The following ZC2HC1A variants were observed in gnomAD, a reference collection of about 807,000 sequenced individuals.
ZC2HC1A encodes the protein zinc finger C2HC-type containing 1A.
A neutral mutation model predicts 40.7 loss-of-function variants in ZC2HC1A; 28 were observed. That is an observed-to-expected ratio of 0.69 (90% confidence interval 0.51 to 0.94). ZC2HC1A has a LOEUF of 0.94. Ranked by LOEUF, ZC2HC1A falls within the 40% of genes least tolerant of loss-of-function variation. The pLI is 0.00. For synonymous variants in ZC2HC1A, 129 were observed against 129.2 expected, an observed-to-expected ratio of 1.00 and a Z score of 0.01; for missense variants, 389 against 386.3, an observed-to-expected ratio of 1.01 and a Z score of -0.06.
intron 7 of ZC2HC1A, among the ~76,000 whole-genome samples, chr8:78,709,417 A>G (rs1810884503): frequency 2.0e-5 from 3 of 152,094 alleles, no homozygotes; most frequent in Admixed American, 1.3e-4. Context: ...ATTTTTATGA[A>G]CTTATCTTTT....
At chr8:78,678,709 A>G in intron 3 of ZC2HC1A, 30 bp downstream of exon 3, 3 of 1,500,246 alleles carry the variant, frequency 2.0e-6, no homozygotes, top group Non-Finnish European at 2.7e-6. Context: ...AACAGTATGA[A>G]CTTTGGTGTT....
At chr8:78,682,093 G>A (rs758711426) in intron 3 of ZC2HC1A, among the ~76,000 whole-genome samples, 6 of 151,406 alleles carry the variant, frequency 4.0e-5, no homozygotes, top group Admixed American at 6.6e-5. Context: ...CATAATTCTT[G>A]ATTTTAAAAA....
At chr8:78,692,330 ATCCCT>A in intron 5 of ZC2HC1A, among the ~76,000 whole-genome samples, 1 of 152,122 alleles carries the variant, frequency 6.6e-6, no homozygotes, top group Non-Finnish European at 1.5e-5. Context: ...TCCAATTCCA[ATCCCT>A]ATAGTTCAGT....
chr8:78,681,553 C>T (rs536677403), intron 3 of ZC2HC1A, among the ~76,000 whole-genome samples: 135 of 152,170 alleles, frequency 8.9e-4, no homozygotes, highest in Admixed American at 3.4e-3. Flanking sequence ...TTGCTGCTCT[C>T]GGAACACTGT....
chr8:78,698,330 A>G, intron 6 of ZC2HC1A, 84 bp from the exon 7 acceptor site: 1 of 1,129,522 alleles, frequency 8.9e-7, no homozygotes. Context: ...GATTATTACT[A>G]AAGCATTGTT....
chr8:78,698,931 A>G (rs1342960931), intron 7 of ZC2HC1A, among the ~76,000 whole-genome samples: 1 of 152,184 alleles, frequency 6.6e-6, no homozygotes, highest in Non-Finnish European at 1.5e-5. Flanking sequence ...AAAGCCACAT[A>G]GCTGTTAAAG....
At chr8:78,671,081 G>A (rs1809426447) in intron 1 of ZC2HC1A, among the ~76,000 whole-genome samples, 1 of 152,176 alleles carries the variant, frequency 6.6e-6, no homozygotes, top group African/African-American at 2.4e-5. Flanking sequence ...TGCCACAAGG[G>A]AGGCCAGAAC....
intron 1 of ZC2HC1A, 112 bp downstream of exon 1, chr8:78,666,276 C>G: frequency 1.3e-6 from 2 of 1,486,516 alleles, no homozygotes; most frequent in Non-Finnish European, 1.8e-6. Flanking sequence ...GCGGACCTCG[C>G]CGCGTCCCGC....
At chr8:78,699,968 TGG>T (rs1810548394) in intron 7 of ZC2HC1A, among the ~76,000 whole-genome samples, 1 of 152,206 alleles carries the variant, frequency 6.6e-6, no homozygotes, top group East Asian at 1.9e-4. Flanking sequence ...TATATTCTTC[TGG>T]GTATATACTC....
rs1395190666 is a variant in ZC2HC1A at position 78,699,023 on chromosome 8, A to C, written c.704+510A>C. On this transcript the variant is annotated intron_variant, in intron 7 of 8. Transcript: ENST00000263849. ...CGTTTTTATTATAATGTTAGAAATA[A>C]ATAAAATCACCAAAATGTCTAGCTT... is the stretch of plus-strand genomic sequence containing the variant. Among the ~76,000 whole-genome samples, 22 of 152,280 alleles carry C rather than the reference A, an allele frequency of 1.4e-4. 1 individual carries two copies. Among genetic ancestry groups the C allele is most frequent in the African/African-American group, 5.3e-4 (22 of 41,564 alleles).
At chr8:78,698,655 C>T in intron 7 of ZC2HC1A, 142 bp downstream of exon 7, 1 of 530,966 alleles carries the variant, frequency 1.9e-6, no homozygotes, top group Non-Finnish European at 3.1e-6. Flanking sequence ...CAGGAGCACA[C>T]TCACTGCTGT....
intron 5 of ZC2HC1A, among the ~76,000 whole-genome samples, chr8:78,693,297 G>T (rs1230946182): frequency 3.3e-5 from 5 of 151,494 alleles, no homozygotes; most frequent in Non-Finnish European, 5.9e-5. Flanking sequence ...GATCCCTGAG[G>T]AATCACCACA....
At chr8:78,678,715 G>T (rs769107462) in intron 3 of ZC2HC1A, 36 bp downstream of exon 3, 254 of 1,452,088 alleles carry the variant, frequency 1.7e-4, no homozygotes, top group Non-Finnish European at 2.3e-4. Flanking sequence ...ATGAACTTTG[G>T]TGTTATGTAT....
chr8:78,687,878 T>A (rs1810070413), intron 4 of ZC2HC1A, among the ~76,000 whole-genome samples: 1 of 130,850 alleles, frequency 7.6e-6, no homozygotes, highest in Non-Finnish European at 1.6e-5. Context: ...ATAATAAATA[T>A]ATATTTATAT....
At chr8:78,703,551 T>TA (rs1810675312) in intron 7 of ZC2HC1A, among the ~76,000 whole-genome samples, 1 of 151,672 alleles carries the variant, frequency 6.6e-6, no homozygotes, top group African/African-American at 2.4e-5. Flanking sequence ...TTTTTTTTTT[T>TA]TAAATCTTTG....
chr8:78,684,471 G>A (rs544983812), intron 3 of ZC2HC1A, among the ~76,000 whole-genome samples: 12 of 152,064 alleles, frequency 7.9e-5, no homozygotes, highest in Admixed American at 5.9e-4. Flanking sequence ...ACCTCCTACC[G>A]AGTACCCCCA....
intron 7 of ZC2HC1A, among the ~76,000 whole-genome samples, chr8:78,700,902 G>A (rs1405890417): frequency 2.0e-5 from 3 of 152,188 alleles, no homozygotes; most frequent in Admixed American, 2.0e-4. Context: ...TAGCCCTGTA[G>A]TATAGCTGGA....
Position 78,719,277 on chromosome 8 carries a change from G to A in ZC2HC1A, c.*1784G>A, listed in dbSNP as rs1811192579. ...AATTCTTTTTGTCTGCTCAAGGAAA[G>A]GATAGATAAATAATTGGCACACATT... On this transcript the variant is annotated 3_prime_UTR_variant, in exon 9 of 9. Transcript: ENST00000263849. 6.6e-6 allele frequency: 1 copy of A among 151,634 alleles called. No individual in the cohort carries two copies. The highest frequency in any genetic ancestry group is 2.1e-4 in the South Asian group (1 of 4,822). 9.4% of individuals were successfully genotyped at this position (151,634 alleles called of 1,614,324 possible). A position where few individuals can be genotyped will look rare whatever the true frequency, so the allele number is the denominator to read the frequency against.
intron 1 of ZC2HC1A, among the ~76,000 whole-genome samples, chr8:78,667,056 T>C (rs1809320343): frequency 6.6e-6 from 1 of 152,186 alleles, no homozygotes; most frequent in African/African-American, 2.4e-5. Context: ...CTTTCCCCCG[T>C]CTCCTAGTTT....
Sources: gnomAD v4.1 joint callset for allele counts (sites outside exome capture counted in the v4.1 genomes callset) on GRCh38, gnomAD v4.1.1 for gene constraint, MANE v1.5 for transcripts, NCBI Gene and HGNC (gene_info 2026-07-23, HGNC 2026-07-21) for gene names.